SEM1: variants seen among roughly 807,000 people sequenced by gnomAD.
SEM1 encodes the protein 26S proteasome complex subunit SEM1.
Under a neutral mutation model 12.7 loss-of-function variants are expected in SEM1, and 3 were observed. The ratio of observed to expected loss-of-function variants is 0.24; its 90% confidence interval spans 0.11 to 0.61. The LOEUF is 0.61. Ranked by LOEUF, SEM1 falls within the 20% of genes least tolerant of loss-of-function variation. The pLI, the probability that SEM1 is intolerant of heterozygous loss-of-function variation, is 0.88. For missense variants in SEM1, 59 were observed against 81.3 expected, an observed-to-expected ratio of 0.73 and a Z score of 1.06; for synonymous variants, 30 against 27.8, an observed-to-expected ratio of 1.08 and a Z score of -0.25.
At chr7:96,522,704 C>G (rs1232939253) in intron 2 of SEM1, among the ~76,000 whole-genome samples, 1 of 139,668 alleles carries the variant, frequency 7.2e-6, no homozygotes, top group African/African-American at 2.7e-5. Flanking sequence ...ATGGAGAAAC[C>G]CCGTCTCTAC....
chr7:96,706,570 CAA>C lies in SEM1; in HGVS notation c.76+3116_76+3117del, dbSNP rs67892273. Among the ~76,000 whole-genome samples, 609 of 78,078 alleles carry C rather than the reference CAA, an allele frequency of 7.8e-3. 20 individuals are homozygous for C. The East Asian group carries it at 0.15, about 19-fold the overall frequency. 51.2% of individuals were successfully genotyped at this position (78,078 alleles called of 152,430 possible). On this transcript the variant is annotated intron_variant, in intron 1 of 2. Coordinates refer to ENST00000248566, the MANE Select transcript of SEM1 (RefSeq NM_006304.2). ...AGAGTGAAACTCCATCTCAAACAAA[CAA>C]AAAAAAAAAAAAAAAAAAAAAAAGA... is the stretch of plus-strand genomic sequence containing the variant.
At chr7:96,564,548 T>TC (rs1432351801) in intron 2 of SEM1, among the ~76,000 whole-genome samples, 3 of 152,196 alleles carry the variant, frequency 2.0e-5, no homozygotes, top group South Asian at 4.1e-4. Context: ...CGTTCTTTTT[T>TC]CCCTTTCCTT....
At chr7:96,587,448 G>C (rs531080228) in intron 2 of SEM1, among the ~76,000 whole-genome samples, 2 of 152,086 alleles carry the variant, frequency 1.3e-5, no homozygotes, top group African/African-American at 4.8e-5. Flanking sequence ...TCTGCTTTGA[G>C]CTGTTCTTTC....
At chr7:96,675,282 C>T (rs1473782383) in intron 2 of SEM1, among the ~76,000 whole-genome samples, 2 of 152,126 alleles carry the variant, frequency 1.3e-5, no homozygotes, top group Non-Finnish European at 2.9e-5. Context: ...AGAATTGCAT[C>T]TTGAGTATTT....
chr7:96,558,006 T>G (rs1251364567), intron 2 of SEM1: 1 of 153,868 alleles, frequency 6.5e-6, no homozygotes, highest in East Asian at 1.9e-4. Context: ...CCTGACCCCT[T>G]GCGCTTCCCA....
chr7:96,687,397 C>T (rs1237337031), downstream of SEM1, among the ~76,000 whole-genome samples: 2 of 151,508 alleles, frequency 1.3e-5, no homozygotes, highest in African/African-American at 2.4e-5. Context: ...AAATGTCCAG[C>T]GATAGACTGG....
intron 1 of SEM1, among the ~76,000 whole-genome samples, chr7:96,491,188 C>T (rs1194299214): frequency 1.3e-5 from 2 of 152,068 alleles, no homozygotes; most frequent in Non-Finnish European, 2.9e-5. Context: ...GCTTTGACAT[C>T]CTTTTTGATA....
At chr7:96,564,751 C>T (rs1015917654) in intron 2 of SEM1, among the ~76,000 whole-genome samples, 2 of 151,896 alleles carry the variant, frequency 1.3e-5, no homozygotes, top group South Asian at 2.1e-4. Flanking sequence ...ATCTTACACC[C>T]TTTTGATGGC....
intron 2 of SEM1, among the ~76,000 whole-genome samples, chr7:96,583,107 T>G: frequency 6.6e-6 from 1 of 151,978 alleles, no homozygotes. Flanking sequence ...TTGTGGGCAT[T>G]TAGTGCTATA....
chr7:96,583,696 T>C (rs907232988), intron 2 of SEM1, among the ~76,000 whole-genome samples: 15 of 150,828 alleles, frequency 9.9e-5, no homozygotes, highest in Non-Finnish European at 1.9e-4. Context: ...TTAGCTCTTC[T>C]TGTTGAATTG....
chr7:96,527,752 G>A (rs1804513289), intron 2 of SEM1, among the ~76,000 whole-genome samples: 1 of 152,066 alleles, frequency 6.6e-6, no homozygotes, highest in Admixed American at 6.5e-5. Flanking sequence ...AACAAAATAT[G>A]CAGACTGTTA....
intron 2 of SEM1, among the ~76,000 whole-genome samples, chr7:96,614,740 A>G (rs886147076): frequency 3.3e-5 from 5 of 152,194 alleles, no homozygotes; most frequent in African/African-American, 1.2e-4. Context: ...CCTAGTGCAT[A>G]TGCTTCAACC....
intron 1 of SEM1, among the ~76,000 whole-genome samples, chr7:96,698,242 TTTG>T (rs1385982279): frequency 4.0e-5 from 6 of 150,948 alleles, no homozygotes; most frequent in Non-Finnish European, 8.9e-5. Context: ...GTTGGTTCTC[TTTG>T]TTGATTTGGG....
intron 3 of SEM1, among the ~76,000 whole-genome samples, chr7:96,504,360 A>C (rs1452177236): frequency 6.6e-6 from 1 of 152,050 alleles, no homozygotes. Flanking sequence ...CCTCTTCCCC[A>C]CTTTATTTTT....
chr7:96,528,037 G>T (rs539248483), intron 2 of SEM1, among the ~76,000 whole-genome samples: 4 of 152,038 alleles, frequency 2.6e-5, no homozygotes, highest in Non-Finnish European at 5.9e-5. Flanking sequence ...TGTAAAACTC[G>T]TATTCCCAGG....
At chr7:96,624,860 A>G (rs76892765) in intron 2 of SEM1, among the ~76,000 whole-genome samples, 1,838 of 152,282 alleles carry the variant, frequency 0.012, 43 homozygotes, top group African/African-American at 0.041. Flanking sequence ...TCTAAAAGCA[A>G]GGGGAAATCC....
At chr7:96,690,098 C>T (rs1789883899) in intron 2 of SEM1, among the ~76,000 whole-genome samples, 1 of 152,166 alleles carries the variant, frequency 6.6e-6, no homozygotes, top group African/African-American at 2.4e-5. Context: ...TACAAAAACT[C>T]TTGCTGCCAA....
At chr7:96,671,472 A>G (rs778288579), downstream of SEM1, among the ~76,000 whole-genome samples, 6 of 152,200 alleles carry the variant, frequency 3.9e-5, no homozygotes, top group Non-Finnish European at 5.9e-5. Context: ...TGAGGACTTT[A>G]GAATCTAATG....
chr7:96,567,957 C>T (rs1434672938), intron 2 of SEM1, among the ~76,000 whole-genome samples: 1 of 151,110 alleles, frequency 6.6e-6, no homozygotes, highest in Non-Finnish European at 1.5e-5. Context: ...CACACACTCA[C>T]ACACACACAC....
Sources: allele counts gnomAD v4.1 joint callset (sites outside exome capture counted in the v4.1 genomes callset), GRCh38; gene constraint gnomAD v4.1.1; transcripts MANE v1.5; gene names NCBI Gene and HGNC (gene_info 2026-07-23, HGNC 2026-07-21).